The following SCUBE1 variants were observed in gnomAD, a reference collection of about 807,000 sequenced individuals.
SCUBE1 encodes the protein signal peptide, CUB and EGF-like domain-containing protein 1.
Under a neutral mutation model 124.4 loss-of-function variants are expected in SCUBE1, and 59 were observed. The observed-to-expected ratio is 0.47, with a 90% CI of 0.38 to 0.59. SCUBE1 has a LOEUF of 0.59. Among genes scored for constraint, SCUBE1 ranks in the 20% least tolerant of loss-of-function variants. The pLI, the probability that SCUBE1 is intolerant of heterozygous loss-of-function variation, is 0.00. For missense variants in SCUBE1, 1,150 were observed against 1,371.2 expected (o/e 0.84, Z 2.55); for synonymous variants, 545 against 550.9 (o/e 0.99, Z 0.15).
Position 43,210,899 on chromosome 22 carries a change from C to A in SCUBE1, c.2383+23G>T, listed in dbSNP as rs1260284796. On this transcript the variant is annotated intron_variant, in intron 18 of 21. Coordinates refer to ENST00000360835, the MANE Select transcript of SCUBE1 (RefSeq NM_173050.5). This position sits in a 1 kb window ranked among gnomAD's most constrained non-coding sequence, Gnocchi z 4.5. ...AGCCCCTCCCGTGTTCCCAGCTTCC[C>A]ACGGCAGAGCAGCAGCACCCACTTT... 3 of 1,613,438 alleles carry A rather than the reference C, an allele frequency of 1.9e-6. No homozygotes were observed. The South Asian group carries it at 3.3e-5, about 18-fold the overall frequency.
chr22:43,220,717 A>C (rs1922053746), intron 13 of SCUBE1, 130 bp from the exon 14 acceptor site: 3 of 1,213,346 alleles, frequency 2.5e-6, no homozygotes, highest in East Asian at 2.5e-5. Flanking sequence ...AACTCAGGCT[A>C]GAGAAGGTCA....
At chr22:43,230,538 T>G (rs1290639749) in intron 8 of SCUBE1, among the ~76,000 whole-genome samples, 1 of 152,142 alleles carries the variant, frequency 6.6e-6, no homozygotes, top group Non-Finnish European at 1.5e-5. Context: ...AGGGGGCAGC[T>G]GGGATGCAAG....
At position 43,200,743 on chromosome 22, in the gene SCUBE1, G is replaced by C. The variant is rs928730102; in HGVS notation, c.*3254C>G. On this transcript the variant is annotated 3_prime_UTR_variant, in exon 22 of 22. Transcript: ENST00000360835. Reference sequence around the variant, plus strand: ...TGCTGGCGACCTCGCGCTCCTCATGGCCTCTCCCGTGGGCTGGGAGCTATA... The same window carrying C: ...TGCTGGCGACCTCGCGCTCCTCATGCCCTCTCCCGTGGGCTGGGAGCTATA... 3 of 152,274 alleles carry C rather than the reference G, an allele frequency of 2.0e-5. No homozygotes were observed. Among genetic ancestry groups the C allele is most frequent in the African/African-American group, 7.2e-5 (3 of 41,462 alleles). The allele number at this position is 152,274 out of a possible 1,614,324, so 9.4% of individuals were successfully genotyped here.
In SCUBE1 at chr22:43,225,196, C is replaced by CG. The variant is rs1922254776; in HGVS notation, c.1208-1981_1208-1980insC. ...CCAGCCACTTATCGCATCACCCCCC[C>CG]ACTCCTGCCCCTCCATCTCCTACAC... On this transcript the variant is annotated intron_variant, in intron 10 of 21. Coordinates refer to ENST00000360835, the MANE Select transcript of SCUBE1 (RefSeq NM_173050.5). Among the ~76,000 whole-genome samples, 2 of 152,026 alleles carry CG rather than the reference C, an allele frequency of 1.3e-5. 1 individual carries two copies. The highest frequency in any genetic ancestry group is 4.8e-5 in the African/African-American group (2 of 41,376).
chr22:43,318,782 T>G (rs1415915498), intron 3 of SCUBE1, among the ~76,000 whole-genome samples: 7 of 152,118 alleles, frequency 4.6e-5, no homozygotes, highest in Admixed American at 6.6e-5. Context: ...CGGGCTGGAG[T>G]GCAATGGTGT....
rs183049604 is a variant in SCUBE1, at chr22:43,317,154, C to G, written c.349+2783G>C. On this transcript the variant is annotated intron_variant, in intron 3 of 21. Transcript: ENST00000360835. The stretch of plus-strand genomic sequence containing the variant: ...AAACAGGGGAAAAAAATGTTTTATG[C>G]CCAGAACCACCTCTGGATTCTCATG... The G allele has an allele frequency of 3.3e-5, 5 of 152,318 alleles. No homozygotes were observed. The East Asian group carries it at 7.7e-4, about 24-fold the overall frequency. 9.4% of individuals were successfully genotyped at this position (152,318 alleles called of 1,614,324 possible).
At chr22:43,305,549 T>C (rs898744940) in intron 3 of SCUBE1, among the ~76,000 whole-genome samples, 1 of 152,004 alleles carries the variant, frequency 6.6e-6, no homozygotes, top group Non-Finnish European at 1.5e-5. Context: ...CCAGAGGGCA[T>C]GAGGAGCCGG....
intron 17 of SCUBE1, 34 bp downstream of exon 17, chr22:43,212,391 G>T: frequency 6.5e-7 from 1 of 1,545,804 alleles, no homozygotes; most frequent in South Asian, 1.2e-5. Flanking sequence ...CTGCCTCTCG[G>T]GGTGGGCGGG....
At chr22:43,232,117 G>A in intron 7 of SCUBE1, 2 of 533,600 alleles carry the variant, frequency 3.7e-6, no homozygotes, top group East Asian at 3.1e-5. Flanking sequence ...CACTTCCCCT[G>A]AGACTTGGCA....
At chr22:43,206,231 A>G (rs35417436) in intron 21 of SCUBE1, among the ~76,000 whole-genome samples, 5,402 of 133,994 alleles carry the variant, frequency 0.04, 133 homozygotes, top group South Asian at 0.063. Context: ...ACACACCCCT[A>G]CACACCCAGC....
At chr22:43,311,423 CTT>C (rs5845592) in intron 3 of SCUBE1, among the ~76,000 whole-genome samples, 3,763 of 134,796 alleles carry the variant, frequency 0.028, 120 homozygotes, top group African/African-American at 0.086. Flanking sequence ...TAATGTAGCA[CTT>C]TTTTTTTTTT....
chr22:43,300,595 G>A lies in SCUBE1; in HGVS notation c.350-9415C>T, dbSNP rs192828207. 4.5e-4 allele frequency among the ~76,000 whole-genome samples: 69 copies of A among 152,172 alleles called. 1 individual carries two copies. Among genetic ancestry groups the A allele is most frequent in the African/African-American group, 1.6e-3 (68 of 41,512 alleles). ...GCCTATTTTTAAACTGGGATGTCTTGAGTTGTAAGAGTTCTTTATACATCC... is the reference window on the plus strand; with the variant it reads ...GCCTATTTTTAAACTGGGATGTCTTAAGTTGTAAGAGTTCTTTATACATCC... On this transcript the variant is annotated intron_variant, in intron 3 of 21. Transcript: ENST00000360835.
At position 43,214,224 on chromosome 22, in the gene SCUBE1, C is replaced by A; in HGVS notation, c.1919G>T (p.Gly640Val). 15 of 1,612,662 alleles carry A rather than the reference C, an allele frequency of 9.3e-6. No homozygotes were observed. Among genetic ancestry groups the A allele is most frequent in the Non-Finnish European group, 1.3e-5 (15 of 1,179,712 alleles). Residue 640 changes from glycine (G) to valine (V), a missense_variant, in exon 16 of 22, where the codon GGT (glycine) becomes GTT (valine). By Grantham distance (109) the Gly-to-Val change is moderately radical (BLOSUM62 -3). Transcript: ENST00000360835. ...TGACACACACTGGCCGAGCTCACCA[C>A]CGAAGTGGGTGCCAGGCCCACAGGC... is the stretch of plus-strand genomic sequence containing the variant. ...CVACGPGTHFGGELGQCVSCM... is the reference protein window; with the variant it reads ...CVACGPGTHFVGELGQCVSCM...
rs1921707491 is a variant in SCUBE1 at position 43,214,206 on chromosome 22, C to T, written c.1937G>A (p.Cys646Tyr). The T allele has an allele frequency of 2.5e-6, 4 of 1,613,130 alleles. No individual in the cohort carries two copies. The highest frequency in any genetic ancestry group is 3.4e-6 in the Non-Finnish European group (4 of 1,179,942). ...GTHFGGELGQ[C>Y]VSCMPGTYQD... ...GTATGTTCCTGGCATACATGACACA[C>T]ACTGGCCGAGCTCACCACCGAAGTG... Residue 646 changes from cysteine (C) to tyrosine (Y), a missense_variant, in exon 16 of 22, where the codon TGT becomes TAT. Around this residue, in one of 3 missense-constraint regions of SCUBE1, gnomAD observed 757 missense variants for 840.9 expected, o/e 0.90. Transcript: ENST00000360835.
intron 6 of SCUBE1, among the ~76,000 whole-genome samples, chr22:43,253,699 A>C (rs1923545820): frequency 7.5e-6 from 1 of 133,430 alleles, no homozygotes; most frequent in South Asian, 2.1e-4. Context: ...ATTGCATGCA[A>C]GCACAGAGGC....
At chr22:43,221,039 T>A in intron 13 of SCUBE1, 134 bp downstream of exon 13, 1 of 641,640 alleles carries the variant, frequency 1.6e-6, no homozygotes, top group Non-Finnish European at 2.7e-6. Flanking sequence ...TCTCATTCAA[T>A]AAACAGCTGC....
At chr22:43,307,178 T>C (rs1926001406) in intron 3 of SCUBE1, among the ~76,000 whole-genome samples, 2 of 152,332 alleles carry the variant, frequency 1.3e-5, no homozygotes, top group South Asian at 4.1e-4. Flanking sequence ...CTGAGATGCC[T>C]GAGTGCCAGT....
At chr22:43,225,088 A>G (rs1004514277) in intron 10 of SCUBE1, among the ~76,000 whole-genome samples, 1 of 152,140 alleles carries the variant, frequency 6.6e-6, no homozygotes, top group African/African-American at 2.4e-5. Flanking sequence ...AGCTTCTGCC[A>G]CTGGTATACC....
chr22:43,254,527 C>T (rs549606815), intron 6 of SCUBE1, among the ~76,000 whole-genome samples: 2 of 152,338 alleles, frequency 1.3e-5, no homozygotes, highest in East Asian at 1.9e-4. Context: ...ACAGCCCACA[C>T]GGTCAGGACT....
Sources: allele counts gnomAD v4.1 joint callset (sites outside exome capture counted in the v4.1 genomes callset), GRCh38; gene constraint gnomAD v4.1.1; regional missense constraint gnomAD v4.1.1; non-coding constraint Gnocchi (gnomAD v3.1); transcripts MANE v1.5; gene names NCBI Gene and HGNC (gene_info 2026-07-23, HGNC 2026-07-21).